Variants in DCC observed in about 807,000 individuals in gnomAD.
The protein encoded by DCC is netrin receptor DCC.
In DCC, 58 loss-of-function variants were observed where a neutral mutation model predicts 172.5. That is an observed-to-expected ratio of 0.34 (90% CI 0.27 to 0.42). DCC has a LOEUF of 0.42. Ranked by LOEUF, DCC falls within the 10% of genes least tolerant of loss-of-function variation. DCC has a pLI of 1.00. For synonymous variants in DCC, 709 were observed against 644.5 expected (o/e 1.10, Z -1.52); for missense variants, 1,740 against 1,791.0 (o/e 0.97, Z 0.51).
chr18:52,401,908 T>G (rs1238741091), intron 1 of DCC, among the ~76,000 whole-genome samples: 1 of 151,994 alleles, frequency 6.6e-6, no homozygotes, highest in Non-Finnish European at 1.5e-5. Flanking sequence ...TTTCAATTAT[T>G]TTTCCTGATC....
chr18:52,667,122 A>T (rs943836565), intron 1 of DCC, among the ~76,000 whole-genome samples: 1 of 152,154 alleles, frequency 6.6e-6, no homozygotes. Flanking sequence ...GACTGAAGAT[A>T]GGCCCAAATG....
chr18:53,049,771 A>C (rs1409452976), intron 5 of DCC, among the ~76,000 whole-genome samples: 2 of 152,110 alleles, frequency 1.3e-5, no homozygotes, highest in African/African-American at 4.8e-5. Context: ...TGAGTCTATA[A>C]ATTGCTTTGC....
At chr18:52,455,056 G>A (rs74340398) in intron 1 of DCC, among the ~76,000 whole-genome samples, 9,336 of 152,052 alleles carry the variant, frequency 0.061, 358 homozygotes, top group East Asian at 0.093. Context: ...TGAATTTAAT[G>A]TATATAGTAA....
At chr18:52,483,226 G>T (rs1159083506) in intron 1 of DCC, among the ~76,000 whole-genome samples, 1 of 152,074 alleles carries the variant, frequency 6.6e-6, no homozygotes. Context: ...CTCATCTCAA[G>T]ATTCTTAATT....
chr18:52,631,813 T>A (rs2034681846), intron 1 of DCC, among the ~76,000 whole-genome samples: 4 of 152,212 alleles, frequency 2.6e-5, no homozygotes, highest in Admixed American at 2.0e-4. Context: ...AATGAAGGAC[T>A]CAAGGACTCA....
At chr18:52,675,803 A>G (rs1053825154) in intron 1 of DCC, among the ~76,000 whole-genome samples, 13 of 152,222 alleles carry the variant, frequency 8.5e-5, no homozygotes, top group African/African-American at 3.1e-4. Flanking sequence ...TTAGACTTTT[A>G]CACAATTAGC....
chr18:52,694,748 C>A (rs2035985677), intron 1 of DCC, among the ~76,000 whole-genome samples: 1 of 152,068 alleles, frequency 6.6e-6, no homozygotes, highest in Non-Finnish European at 1.5e-5. Context: ...GAATCACATT[C>A]TAGTCCTGCC....
Position 53,017,411 on chromosome 18 carries a change from T to C in DCC, c.986-45894T>C, listed in dbSNP as rs192959679. ...AAATGTCTTTCTTTTCAGTCTTTAT[T>C]AAAGTGGGTTATTTTTAGTGGTTTC... On this transcript the variant is annotated intron_variant, in intron 5 of 28. Transcript: ENST00000442544. 1.3e-3 allele frequency among the ~76,000 whole-genome samples: 196 copies of C among 152,316 alleles called. 2 individuals carry two copies. The highest frequency in any genetic ancestry group is 4.4e-3 in the African/African-American group (184 of 41,574).
At chr18:53,114,032 A>G (rs1167363050) in intron 7 of DCC, among the ~76,000 whole-genome samples, 1 of 151,530 alleles carries the variant, frequency 6.6e-6, no homozygotes. Flanking sequence ...TAAATTGTGA[A>G]CATGAAGATA....
At chr18:52,975,400 G>T (rs946619201) in intron 5 of DCC, among the ~76,000 whole-genome samples, 1 of 152,110 alleles carries the variant, frequency 6.6e-6, no homozygotes, top group Non-Finnish European at 1.5e-5. Flanking sequence ...ACTCGTGCGG[G>T]TTTGTTGCAT....
intron 3 of DCC, among the ~76,000 whole-genome samples, chr18:52,907,249 C>T (rs576665346): frequency 3.7e-4 from 53 of 144,534 alleles, no homozygotes; most frequent in African/African-American, 1.4e-3. Context: ...ATCATATATA[C>T]ATGATATGTC....
intron 15 of DCC, among the ~76,000 whole-genome samples, chr18:53,343,219 T>TG (rs1295378099): frequency 5.3e-5 from 8 of 151,938 alleles, no homozygotes; most frequent in Non-Finnish European, 1.2e-4. Flanking sequence ...ATAAAAGTGC[T>TG]GAAAGCAGGT....
chr18:53,194,701 C>T (rs1013622507), intron 9 of DCC, among the ~76,000 whole-genome samples: 2 of 152,132 alleles, frequency 1.3e-5, no homozygotes, highest in Non-Finnish European at 1.5e-5. Flanking sequence ...AATTCCTGAC[C>T]TCAGGTGATC....
intron 27 of DCC, among the ~76,000 whole-genome samples, chr18:53,509,817 G>A (rs937678049): frequency 6.6e-6 from 1 of 152,062 alleles, no homozygotes; most frequent in East Asian, 1.9e-4. Context: ...CTTTTGTTTT[G>A]TTTTTCAAGA....
chr18:52,982,267 C>T (rs2041224406), intron 5 of DCC, among the ~76,000 whole-genome samples: 1 of 152,086 alleles, frequency 6.6e-6, no homozygotes, highest in South Asian at 2.1e-4. Context: ...GGTATACTCA[C>T]AAGAGGGTAT....
At chr18:53,329,248 C>G (rs1038402201) in intron 14 of DCC, among the ~76,000 whole-genome samples, 1 of 152,008 alleles carries the variant, frequency 6.6e-6, no homozygotes, top group African/African-American at 2.4e-5. Context: ...AGCTTAAAAA[C>G]TTCCTACAAT....
chr18:52,749,174 A>G (rs978212537), intron 1 of DCC, among the ~76,000 whole-genome samples: 2 of 152,164 alleles, frequency 1.3e-5, no homozygotes, highest in African/African-American at 4.8e-5. Context: ...CCTGGGAGAC[A>G]GAGCCAGACT....
intron 25 of DCC, among the ~76,000 whole-genome samples, chr18:53,471,327 T>C (rs1358281275): frequency 6.6e-6 from 1 of 152,236 alleles, no homozygotes; most frequent in Non-Finnish European, 1.5e-5. Context: ...TACTCTTAGT[T>C]ATTTTTAAAT....
At chr18:52,840,098 G>T (rs1025996767) in intron 2 of DCC, among the ~76,000 whole-genome samples, 2 of 152,144 alleles carry the variant, frequency 1.3e-5, no homozygotes, top group African/African-American at 4.8e-5. Flanking sequence ...GGGTGCAGAT[G>T]TTGATGCTGA....
Sources: allele counts gnomAD v4.1 joint callset (sites outside exome capture counted in the v4.1 genomes callset), GRCh38; gene constraint gnomAD v4.1.1; transcripts MANE v1.5; gene names NCBI Gene and HGNC (gene_info 2026-07-23, HGNC 2026-07-21).